Variants in HIPK3 observed in about 807,000 individuals in gnomAD.
HIPK3 encodes the protein homeodomain interacting protein kinase 3, also known as homeodomain-interacting protein kinase 3.
A neutral mutation model predicts 124.2 loss-of-function variants in HIPK3; 47 were observed. The observed-to-expected ratio is 0.38, with a 90% CI of 0.30 to 0.48. HIPK3 has a LOEUF of 0.48. Ranked by LOEUF, HIPK3 falls within the 20% of genes least tolerant of loss-of-function variation. The probability of loss-of-function intolerance (pLI) is 0.98; values close to 1 mark genes in which losing one functional copy is unlikely to be tolerated. For missense variants in HIPK3, 1,286 were observed against 1,454.3 expected (o/e 0.88, Z 1.88); for synonymous variants, 482 against 515.2 (o/e 0.94, Z 0.87).
At chr11:33,266,318 A>AT (rs60764330) in intron 1 of HIPK3, among the ~76,000 whole-genome samples, 103,141 of 151,728 alleles carry the variant, frequency 0.68, 35,213 homozygotes, top group Non-Finnish European at 0.72. Context: ...ACTTTATTAA[A>AT]ATGAAATATT....
chr11:33,275,529 A>G (rs1851249129), intron 1 of HIPK3, among the ~76,000 whole-genome samples: 2 of 151,318 alleles, frequency 1.3e-5, no homozygotes, highest in African/African-American at 2.4e-5. Flanking sequence ...TTTGTCTTTT[A>G]TAAATATGCA....
At chr11:33,299,553 A>C (rs1339871966) in intron 2 of HIPK3, among the ~76,000 whole-genome samples, 2 of 152,144 alleles carry the variant, frequency 1.3e-5, no homozygotes, top group Non-Finnish European at 2.9e-5. Flanking sequence ...AAATGATAGC[A>C]AAGGATTTAG....
chr11:33,322,082 C>T (rs1852679745), intron 2 of HIPK3, among the ~76,000 whole-genome samples: 1 of 152,124 alleles, frequency 6.6e-6, no homozygotes. Context: ...TCACTGCAAG[C>T]TCCGCCTCCC....
rs56902582 is a variant in HIPK3 at position 33,281,058 on chromosome 11, C to CTTTTTTTTTTTTT, written c.-2-5338_-2-5326dup. 3.6e-4 allele frequency among the ~76,000 whole-genome samples: 40 copies of CTTTTTTTTTTTTT among 111,802 alleles called. 4 individuals carry two copies. Among genetic ancestry groups the CTTTTTTTTTTTTT allele is most frequent in the East Asian group, 1.1e-3 (4 of 3,570 alleles). The allele number at this position is 111,802 out of a possible 152,430, so 73.3% of individuals were successfully genotyped here. ...TTTATGTGTATATTTACTTATTTGA[C>CTTTTTTTTTTTTT]TTTTTTTTTTTTTTTTTTTTTTTTT... is the stretch of plus-strand genomic sequence containing the variant. On this transcript the variant is annotated intron_variant, in intron 1 of 16. Transcript: ENST00000303296.
chr11:33,326,871 A>C (rs1441028165), intron 2 of HIPK3, among the ~76,000 whole-genome samples: 1 of 152,042 alleles, frequency 6.6e-6, no homozygotes, highest in Non-Finnish European at 1.5e-5. Context: ...TGGAGAGATG[A>C]GGTCTCATTA....
Position 33,349,163 on chromosome 11 carries a change from G to C in HIPK3, c.2683G>C (p.Asp895His), listed in dbSNP as rs1171789332. The C allele has an allele frequency of 1.2e-6, 2 of 1,613,908 alleles. No homozygotes were observed. The highest frequency in any genetic ancestry group is 1.3e-5 in the African/African-American group (1 of 75,012). Residue 895 changes from aspartate (D) to histidine (H), a missense_variant, in exon 14 of 17, where the codon GAT becomes CAT. Physicochemically the swap from Asp to His is moderately conservative, Grantham distance 81. This residue lies in a region of HIPK3 where 810 missense variants were observed against 864.9 expected (regional missense o/e 0.94). Coordinates refer to ENST00000303296, the MANE Select transcript of HIPK3 (RefSeq NM_005734.5). ...TTCCACTAGATGTAAAGGTAGTCTA[G>C]ATTGTGAAGCTTGCCAGAGCACTTT... is the stretch of plus-strand genomic sequence containing the variant. ...HSLRECKGSLDCEACQSTLNI... is the reference protein window; with the variant it reads ...HSLRECKGSLHCEACQSTLNI...
Position 33,339,397 on chromosome 11 carries a change from A to AGCT in HIPK3, c.1478_1480dup (p.Ala493dup). 1 of 1,613,644 alleles carries AGCT rather than the reference A, an allele frequency of 6.2e-7. No individual in the cohort carries two copies. Among genetic ancestry groups the AGCT allele is most frequent in the Non-Finnish European group, 8.5e-7 (1 of 1,179,660 alleles). On this transcript the variant is annotated inframe_insertion, in exon 6 of 17. Transcript: ENST00000303296. ...AAGGAAGTGATCTTTTGGCTGAGAA[A>AGCT]GCTGATAGAAGAGAATTTGTTAGTC... is the stretch of plus-strand genomic sequence containing the variant.
chr11:33,344,941 C>T (rs113257231), intron 8 of HIPK3, among the ~76,000 whole-genome samples: 3,610 of 152,192 alleles, frequency 0.024, 147 homozygotes, highest in African/African-American at 0.081. Context: ...TGTGTCAATC[C>T]ATTTACAAGA....
At chr11:33,279,933 AGCCC>A (rs1368024395) in intron 1 of HIPK3, among the ~76,000 whole-genome samples, 1 of 118,424 alleles carries the variant, frequency 8.4e-6, no homozygotes, top group African/African-American at 3.2e-5. Flanking sequence ...CAGAGGATAG[AGCCC>A]TCGTGATCTA....
intron 1 of HIPK3, among the ~76,000 whole-genome samples, chr11:33,281,712 TGTAAA>T (rs1355213793): frequency 2.0e-5 from 3 of 152,246 alleles, no homozygotes; most frequent in Admixed American, 6.5e-5. Context: ...TAATATCTAT[TGTAAA>T]GTATACATTT....
intron 3 of HIPK3, among the ~76,000 whole-genome samples, chr11:33,336,209 G>A (rs968047109): frequency 7.2e-5 from 11 of 152,102 alleles, no homozygotes; most frequent in African/African-American, 2.7e-4. Flanking sequence ...GCTGAAGGAA[G>A]CAAGAGAGCC....
chr11:33,347,932 C>T lies in HIPK3; in HGVS notation c.2225C>T (p.Pro742Leu). The T allele has an allele frequency of 1.9e-6, 3 of 1,614,168 alleles. No homozygotes were observed. Among genetic ancestry groups the T allele is most frequent in the Non-Finnish European group, 1.7e-6 (2 of 1,180,008 alleles). Reference sequence around the variant, plus strand: ...ACCAATCAGATAACTTTATCTGCCCCTCAGCCAGTTAGTGTGGGGATTGCA... The same window carrying T: ...ACCAATCAGATAACTTTATCTGCCCTTCAGCCAGTTAGTGTGGGGATTGCA... The part of the protein sequence containing the change: ...LLTNQITLSA[P>L]QPVSVGIAHV... The change falls in exon 11 of 17, where the codon CCT (proline) becomes CTT (leucine). Residue 742 changes from proline (P) to leucine (L), a missense_variant. By Grantham distance (98) the Pro-to-Leu change is moderately conservative (BLOSUM62 -3). Transcript: ENST00000303296.
intron 1 of HIPK3, chr11:33,258,709 ATCCTGTTGT>A (rs1212758891): frequency 2.0e-6 from 2 of 985,078 alleles, no homozygotes; most frequent in East Asian, 2.3e-4. Flanking sequence ...CTCTCGGGGA[ATCCTGTTGT>A]TCCCGTCTCA....
chr11:33,325,833 T>C (rs1050418500), intron 2 of HIPK3, among the ~76,000 whole-genome samples: 1 of 152,260 alleles, frequency 6.6e-6, no homozygotes, highest in African/African-American at 2.4e-5. Flanking sequence ...TTCCTTTTTT[T>C]ATCTTTCTAC....
At chr11:33,288,091 G>T (rs377543780) in intron 2 of HIPK3, among the ~76,000 whole-genome samples, 1 of 152,146 alleles carries the variant, frequency 6.6e-6, no homozygotes, top group Non-Finnish European at 1.5e-5. Flanking sequence ...AAAAGTTTCA[G>T]ATATTTGGAT....
chr11:33,285,578 A>T (rs201840162), intron 1 of HIPK3, among the ~76,000 whole-genome samples: 2,274 of 38,294 alleles, frequency 0.059, 29 homozygotes, highest in African/African-American at 0.12. Context: ...AAAAAAAAAA[A>T]ATATATATAT....
chr11:33,268,981 T>G (rs560619105), intron 1 of HIPK3, among the ~76,000 whole-genome samples: 1 of 152,318 alleles, frequency 6.6e-6, no homozygotes, highest in African/African-American at 2.4e-5. Flanking sequence ...GAACTGTTCC[T>G]TAAGTTTAGG....
chr11:33,315,989 GT>G (rs1431181040), intron 2 of HIPK3, among the ~76,000 whole-genome samples: 2 of 152,080 alleles, frequency 1.3e-5, no homozygotes, highest in African/African-American at 2.4e-5. Context: ...ATTTGAATGA[GT>G]ATCTATTCTG....
intron 2 of HIPK3, among the ~76,000 whole-genome samples, chr11:33,308,169 A>G (rs890652315): frequency 6.6e-6 from 1 of 152,172 alleles, no homozygotes; most frequent in Non-Finnish European, 1.5e-5. Flanking sequence ...AGCACCATTT[A>G]TTATTCTACT....
Sources: allele counts gnomAD v4.1 joint callset (sites outside exome capture counted in the v4.1 genomes callset), GRCh38; gene constraint gnomAD v4.1.1; regional missense constraint gnomAD v4.1.1; transcripts MANE v1.5; gene names NCBI Gene and HGNC (gene_info 2026-07-23, HGNC 2026-07-21).